HFM1: variants seen among roughly 807,000 people sequenced by gnomAD.
The protein encoded by HFM1 is helicase for meiosis 1.
A neutral mutation model predicts 192.1 loss-of-function variants in HFM1; 169 were observed. The ratio of observed to expected loss-of-function variants is 0.88; its 90% CI spans 0.78 to 1.00. The LOEUF (loss-of-function observed/expected upper bound fraction) is 1.00, where lower values mean the gene tolerates loss of function less well. HFM1 is among the 50% of genes least tolerant of loss of function. The pLI is 0.00. For missense variants in HFM1, 1,661 were observed against 1,668.0 expected (o/e 1.00, Z 0.07); for synonymous variants, 525 against 537.8 (o/e 0.98, Z 0.33).
intron 13 of HFM1, among the ~76,000 whole-genome samples, chr1:91,373,842 A>C (rs559202243): frequency 7.9e-4 from 120 of 152,216 alleles, no homozygotes; most frequent in Non-Finnish European, 1.5e-3. Context: ...AAATTTCTTT[A>C]TATCAATGCA....
intron 30 of HFM1, among the ~76,000 whole-genome samples, chr1:91,280,926 C>A (rs991482934): frequency 3.9e-5 from 6 of 152,162 alleles, no homozygotes; most frequent in African/African-American, 1.2e-4. Flanking sequence ...TAGCAGCTAC[C>A]ACTACATTGC....
At chr1:91,346,796 A>G (rs968831272) in intron 19 of HFM1, among the ~76,000 whole-genome samples, 1 of 152,230 alleles carries the variant, frequency 6.6e-6, no homozygotes, top group Non-Finnish European at 1.5e-5. Context: ...TAATCAATCT[A>G]GGCTTATATT....
intron 11 of HFM1, among the ~76,000 whole-genome samples, chr1:91,376,453 G>A (rs536765715): frequency 1.3e-5 from 2 of 152,028 alleles, no homozygotes; most frequent in South Asian, 2.1e-4. Flanking sequence ...AGGGAAAAAC[G>A]GAGGAAGAAG....
At chr1:91,315,731 T>G (rs1311028764) in intron 28 of HFM1, 84 bp downstream of exon 28, 3 of 950,116 alleles carry the variant, frequency 3.2e-6, no homozygotes, top group Admixed American at 2.6e-5. Context: ...CCCACAATGA[T>G]CTTGTTATTT....
intron 13 of HFM1, among the ~76,000 whole-genome samples, chr1:91,374,053 T>C (rs1388875166): frequency 6.6e-6 from 1 of 152,142 alleles, no homozygotes; most frequent in East Asian, 1.9e-4. Context: ...CTGATGGCTA[T>C]GGAAAACTGA....
chr1:91,357,778 G>A (rs1013211727), intron 13 of HFM1, among the ~76,000 whole-genome samples: 3 of 152,102 alleles, frequency 2.0e-5, no homozygotes, highest in Admixed American at 1.3e-4. Flanking sequence ...CATATACAGA[G>A]ATTAGTAGCA....
intron 30 of HFM1, among the ~76,000 whole-genome samples, chr1:91,291,578 A>G (rs1668761479): frequency 6.6e-6 from 1 of 152,238 alleles, no homozygotes; most frequent in African/African-American, 2.4e-5. Flanking sequence ...CCAACGAAAA[A>G]GAGTCCAGGA....
intron 2 of HFM1, 83 bp from the exon 3 acceptor site, chr1:91,396,488 T>G (rs948289686): frequency 2.0e-5 from 14 of 684,776 alleles, no homozygotes; most frequent in Non-Finnish European, 3.1e-5. Context: ...CATTACTCAA[T>G]TGGACTCTTA....
At chr1:91,367,730 A>C (rs1009803739) in intron 13 of HFM1, among the ~76,000 whole-genome samples, 1 of 152,222 alleles carries the variant, frequency 6.6e-6, no homozygotes, top group African/African-American at 2.4e-5. Context: ...GCTCCTCACC[A>C]GCAATGGAAC....
chr1:91,263,722 T>C (rs1665395295), intron 36 of HFM1, among the ~76,000 whole-genome samples: 1 of 152,146 alleles, frequency 6.6e-6, no homozygotes, highest in Admixed American at 6.5e-5. Flanking sequence ...CACTGTACTC[T>C]ACCTTAAATA....
At chr1:91,328,941 G>A in intron 20 of HFM1, 1 of 1,612,060 alleles carries the variant, frequency 6.2e-7, no homozygotes, top group South Asian at 1.1e-5. Flanking sequence ...ACCTTCGGCA[G>A]CCCTGTGCTA....
In HFM1 at chr1:91,273,603, G is replaced by C. The variant is rs113824938; in HGVS notation, c.3772+109C>G. ...TAATCTAAGAGAAAAATGTTGCCAA[G>C]TTAATAATCATAACAATTTCAGATG... On this transcript the variant is annotated intron_variant, in intron 34 of 38. Transcript: ENST00000370425. The C allele has an allele frequency of 9.9e-4, 572 of 575,802 alleles. 5 individuals carry two copies. The highest frequency in any genetic ancestry group is 9.0e-3 in the African/African-American group (469 of 52,378). 35.7% of individuals were successfully genotyped at this position (575,802 alleles called of 1,614,324 possible).
At chr1:91,366,743 T>G (rs1197950558) in intron 13 of HFM1, among the ~76,000 whole-genome samples, 1 of 152,174 alleles carries the variant, frequency 6.6e-6, no homozygotes, top group Non-Finnish European at 1.5e-5. Context: ...GGTACTGGGT[T>G]CATCTCACTG....
At chr1:91,298,014 C>T (rs970689804) in intron 30 of HFM1, among the ~76,000 whole-genome samples, 1 of 151,940 alleles carries the variant, frequency 6.6e-6, no homozygotes, top group Non-Finnish European at 1.5e-5. Flanking sequence ...AGTTTGAACC[C>T]ATGGCAAAGA....
At chr1:91,403,532 G>A (rs778496563) in intron 1 of HFM1, among the ~76,000 whole-genome samples, 9 of 152,094 alleles carry the variant, frequency 5.9e-5, no homozygotes, top group Non-Finnish European at 1.3e-4. Flanking sequence ...ATGAGTTTGT[G>A]ATGTGAGGGG....
intron 35 of HFM1, 126 bp downstream of exon 35, chr1:91,267,619 T>A: frequency 1.8e-6 from 1 of 543,910 alleles, no homozygotes; most frequent in Non-Finnish European, 3.2e-6. Context: ...AATTATAATC[T>A]TAACAAACCA....
chr1:91,323,773 A>C (rs1434157453), intron 21 of HFM1, among the ~76,000 whole-genome samples: 2 of 152,248 alleles, frequency 1.3e-5, no homozygotes, highest in Non-Finnish European at 2.9e-5. Flanking sequence ...ACTCAAGATC[A>C]GATGAGTTAA....
At chr1:91,285,153 G>A (rs1002672105) in intron 30 of HFM1, among the ~76,000 whole-genome samples, 1 of 152,148 alleles carries the variant, frequency 6.6e-6, no homozygotes, top group Admixed American at 6.5e-5. Context: ...ACGTGGAACT[G>A]TGAGCCCATC....
intron 20 of HFM1, among the ~76,000 whole-genome samples, chr1:91,343,071 C>CA (rs959447789): frequency 1.5e-4 from 22 of 146,322 alleles, no homozygotes; most frequent in East Asian, 4.0e-4. Flanking sequence ...ACTAAAAATA[C>CA]AAAAAAAAAA....
Sources: allele counts gnomAD v4.1 joint callset (sites outside exome capture counted in the v4.1 genomes callset), GRCh38; gene constraint gnomAD v4.1.1; transcripts MANE v1.5; gene names NCBI Gene and HGNC (gene_info 2026-07-23, HGNC 2026-07-21).